Variants in MTARC1 observed in about 807,000 individuals in gnomAD.
MTARC1 encodes mitochondrial amidoxime reducing component 1, also known as mitochondrial amidoxime-reducing component 1.
Under a neutral mutation model 33.6 loss-of-function variants are expected in MTARC1, and 24 were observed. The observed-to-expected ratio is 0.72, with a 90% CI of 0.52 to 1.01. The LOEUF is 1.01. Among genes scored for constraint, MTARC1 ranks in the 50% least tolerant of loss-of-function variants. MTARC1 has a pLI of 0.00. For missense variants in MTARC1, 417 were observed against 445.7 expected (o/e 0.94, Z 0.58); for synonymous variants, 187 against 189.5 (o/e 0.99, Z 0.11).
rs536876294 is a variant in MTARC1, at chr1:220,819,412, C to T, written c.*5994C>T. 5.2e-4 allele frequency: 79 copies of T among 152,230 alleles called. No homozygotes were observed. The highest frequency in any genetic ancestry group is 2.8e-3 in the Admixed American group (43 of 15,286). 9.4% of individuals were successfully genotyped at this position (152,230 alleles called of 1,614,324 possible). A position where few individuals can be genotyped will look rare whatever the true frequency, so the allele number is the denominator to read the frequency against. Reference sequence around the variant, plus strand: ...GAAGTCCTAGAGAATATATCTGGAGCTTTTGTGGGGCTAAGAGATCTTGTA... The same window carrying T: ...GAAGTCCTAGAGAATATATCTGGAGTTTTTGTGGGGCTAAGAGATCTTGTA... On this transcript the variant is annotated 3_prime_UTR_variant, in exon 7 of 7. Coordinates refer to ENST00000366910, the MANE Select transcript of MTARC1 (RefSeq NM_022746.4).
Position 220,815,304 on chromosome 1 carries a change from G to T in MTARC1, c.*1886G>T, listed in dbSNP as rs1311989474. The T allele has an allele frequency of 6.6e-6, 1 of 152,248 alleles. No homozygotes were observed. Among genetic ancestry groups the T allele is most frequent in the African/African-American group, 2.4e-5 (1 of 41,464 alleles). The allele number at this position is 152,248 out of a possible 1,614,324, so 9.4% of individuals were successfully genotyped here. ...AGCAATCAGAAACCCAAGGTTTGGT[G>T]GCTCTTCCTAGGTATTTATAATTAG... On this transcript the variant is annotated 3_prime_UTR_variant, in exon 7 of 7. Transcript: ENST00000366910.
intron 4 of MTARC1, among the ~76,000 whole-genome samples, chr1:220,802,221 T>TC (rs1672834673): frequency 6.6e-6 from 1 of 152,148 alleles, no homozygotes; most frequent in Admixed American, 6.5e-5. Flanking sequence ...CACCCAGGAC[T>TC]CCCTCTGGAG....
Position 220,819,274 on chromosome 1 carries a change from A to G in MTARC1, c.*5856A>G, listed in dbSNP as rs754695153. The G allele has an allele frequency of 6.6e-5, 10 of 152,228 alleles. No homozygotes were observed. Among genetic ancestry groups the G allele is most frequent in the Non-Finnish European group, 1.2e-4 (8 of 68,042 alleles). The allele number at this position is 152,228 out of a possible 1,614,324, so 9.4% of individuals were successfully genotyped here. A position where few individuals can be genotyped will look rare whatever the true frequency, so the allele number is the denominator to read the frequency against. On this transcript the variant is annotated 3_prime_UTR_variant, in exon 7 of 7. Coordinates refer to ENST00000366910, the MANE Select transcript of MTARC1 (RefSeq NM_022746.4). ...AGAAGAGTGTTTTCATGTCCCAAGG[A>G]CAAATTTTAACAACCATAATCTGCC...
chr1:220,793,211 C>A (rs1056557622), intron 2 of MTARC1: 2 of 152,084 alleles, frequency 1.3e-5, no homozygotes, highest in African/African-American at 4.8e-5. Context: ...ATGAGGTAAG[C>A]TTTTAAATAC....
rs201105493 is a variant in MTARC1, at chr1:220,787,829, AAAAC to A, written c.275+626_275+629del. 8.9e-3 allele frequency among the ~76,000 whole-genome samples: 1,357 copies of A among 152,132 alleles called. 8 individuals are homozygous for A. Among genetic ancestry groups the A allele is most frequent in the East Asian group, 0.058 (299 of 5,156 alleles). ...ACATGGTGAAACCGCGTCTCTACTA[AAAAC>A]AAACAAACAAACAAAAAAACAAAAA... is the stretch of plus-strand genomic sequence containing the variant. On this transcript the variant is annotated intron_variant, in intron 1 of 6. Coordinates refer to ENST00000366910, the MANE Select transcript of MTARC1 (RefSeq NM_022746.4).
At chr1:220,800,643 CT>C (rs1239956183) in intron 4 of MTARC1, among the ~76,000 whole-genome samples, 4 of 151,758 alleles carry the variant, frequency 2.6e-5, no homozygotes, top group Non-Finnish European at 5.9e-5. Context: ...CTGAGGACCC[CT>C]AACTATATCC....
Position 220,797,867 on chromosome 1 carries a change from T to G in MTARC1, c.613-7T>G, listed in dbSNP as rs753682469. The G allele has an allele frequency of 6.2e-7, 1 of 1,614,058 alleles. No homozygotes were observed. The highest frequency in any genetic ancestry group is 8.5e-7 in the Non-Finnish European group (1 of 1,179,918). On this transcript the variant is annotated splice_region_variant and splice_polypyrimidine_tract_variant and intron_variant, in intron 3 of 6. Transcript: ENST00000366910. ...ATGTGTTATAACAATGTCTATTTCCTTATCAGATTGCTTACTCAGACACCA... is the reference window on the plus strand; with the variant it reads ...ATGTGTTATAACAATGTCTATTTCCGTATCAGATTGCTTACTCAGACACCA...
intron 4 of MTARC1, chr1:220,798,668 C>T: frequency 1.2e-6 from 1 of 860,940 alleles, no homozygotes; most frequent in African/African-American, 1.8e-5. Context: ...GGTTGGTGGC[C>T]TAGAGGCATG....
chr1:220,790,505 C>A (rs12410092), intron 1 of MTARC1, among the ~76,000 whole-genome samples: 2,636 of 152,300 alleles, frequency 0.017, 53 homozygotes, highest in Admixed American at 0.054. Flanking sequence ...CAGGGCAGGC[C>A]TCTGTCTGTG....
intron 4 of MTARC1, 107 bp from the exon 5 acceptor site, chr1:220,804,945 C>T: frequency 8.3e-7 from 1 of 1,201,158 alleles, no homozygotes; most frequent in Non-Finnish European, 1.2e-6. Context: ...GCTGCCATCA[C>T]TGATGTGGGT....
At chr1:220,787,986 C>T (rs1011842797) in intron 1 of MTARC1, among the ~76,000 whole-genome samples, 11 of 151,834 alleles carry the variant, frequency 7.2e-5, no homozygotes, top group African/African-American at 2.7e-4. Flanking sequence ...CCAGCCTGGG[C>T]AACAGAGCGA....
Position 220,818,912 on chromosome 1 carries a change from C to T in MTARC1, c.*5494C>T, listed in dbSNP as rs1673331018. On this transcript the variant is annotated 3_prime_UTR_variant, in exon 7 of 7. Coordinates refer to ENST00000366910, the MANE Select transcript of MTARC1 (RefSeq NM_022746.4). ...CTGGAGAGCTCTTCGTTGCAGGCAG[C>T]TCTGGTTAACATCAACCGGGAAAGC... 6.6e-6 allele frequency: 1 copy of T among 152,200 alleles called. No individual in the cohort carries two copies. The highest frequency in any genetic ancestry group is 2.4e-5 in the African/African-American group (1 of 41,446). The allele number at this position is 152,200 out of a possible 1,614,324, so 9.4% of individuals were successfully genotyped here.
chr1:220,787,541 C>A (rs967609309), intron 1 of MTARC1, among the ~76,000 whole-genome samples: 17 of 152,148 alleles, frequency 1.1e-4, no homozygotes, highest in Non-Finnish European at 1.5e-5. Context: ...GAGCAAACTT[C>A]TTAATCTCCA....
intron 1 of MTARC1, among the ~76,000 whole-genome samples, chr1:220,788,976 T>C (rs1394243607): frequency 6.6e-6 from 1 of 152,060 alleles, no homozygotes; most frequent in Non-Finnish European, 1.5e-5. Flanking sequence ...TATGATAAAT[T>C]CTTTATTTTC....
chr1:220,800,042 G>C (rs1047904160), intron 4 of MTARC1, among the ~76,000 whole-genome samples: 31 of 152,224 alleles, frequency 2.0e-4, no homozygotes, highest in Admixed American at 1.8e-3. Context: ...TTTCTCCCCT[G>C]TGTGATTTGT....
At chr1:220,797,742 A>C in intron 3 of MTARC1, 132 bp from the exon 4 acceptor site, 1 of 836,208 alleles carries the variant, frequency 1.2e-6, no homozygotes, top group Non-Finnish European at 1.8e-6. Flanking sequence ...TATTAAAAGA[A>C]CAAGAGAACT....
chr1:220,797,798 G>A, intron 3 of MTARC1, 76 bp from the exon 4 acceptor site: 1 of 1,414,012 alleles, frequency 7.1e-7, no homozygotes, highest in Non-Finnish European at 9.8e-7. Context: ...TGGAGGCTAT[G>A]TCTAGGAACT....
intron 4 of MTARC1, among the ~76,000 whole-genome samples, chr1:220,801,352 C>A (rs917741587): frequency 6.6e-6 from 1 of 152,164 alleles, no homozygotes; most frequent in African/African-American, 2.4e-5. Flanking sequence ...CCAGCCCCCC[C>A]CACAGCACAC....
intron 3 of MTARC1, among the ~76,000 whole-genome samples, chr1:220,797,290 A>C (rs555260667): frequency 1.3e-5 from 2 of 152,304 alleles, no homozygotes; most frequent in South Asian, 4.1e-4. Flanking sequence ...CCATAAAAAA[A>C]ATAAATTATG....
Sources: allele counts gnomAD v4.1 joint callset (sites outside exome capture counted in the v4.1 genomes callset), GRCh38; gene constraint gnomAD v4.1.1; transcripts MANE v1.5; gene names NCBI Gene and HGNC (gene_info 2026-07-23, HGNC 2026-07-21).